SGIP1: variants seen among roughly 807,000 people sequenced by gnomAD.
The protein encoded by SGIP1 is SH3GL interacting endocytic adaptor 1.
SGIP1 carries 38 observed loss-of-function variants against 107.5 expected under a neutral mutation model. The ratio of observed to expected loss-of-function variants is 0.35; its 90% CI spans 0.27 to 0.46. SGIP1 has a LOEUF of 0.46. Among genes scored for constraint, SGIP1 ranks in the 20% least tolerant of loss-of-function variants. The probability of loss-of-function intolerance (pLI) is 1.00; values close to 1 mark genes in which losing one functional copy is unlikely to be tolerated. For synonymous variants in SGIP1, 365 were observed against 366.1 expected (o/e 1.00, Z 0.03); for missense variants, 929 against 1,019.5 (o/e 0.91, Z 1.21).
intron 2 of SGIP1, among the ~76,000 whole-genome samples, chr1:66,630,200 A>G (rs181880496): frequency 7.0e-4 from 107 of 152,304 alleles, no homozygotes; most frequent in African/African-American, 2.3e-3. Flanking sequence ...AAAATTGTGG[A>G]AGACCATCCC....
At chr1:66,637,605 A>G (rs887244642) in intron 4 of SGIP1, among the ~76,000 whole-genome samples, 2 of 151,568 alleles carry the variant, frequency 1.3e-5, no homozygotes, top group African/African-American at 2.4e-5. Flanking sequence ...TTTTCCCTTT[A>G]TCTCAATCTT....
At chr1:66,625,957 G>A (rs895583491) in intron 2 of SGIP1, 47 bp downstream of exon 2, 18 of 1,491,736 alleles carry the variant, frequency 1.2e-5, no homozygotes, top group Non-Finnish European at 1.7e-5. Flanking sequence ...ATTTGCATAA[G>A]AGATGCTCTT....
intron 1 of SGIP1, among the ~76,000 whole-genome samples, chr1:66,608,239 G>A (rs1328125438): frequency 2.6e-5 from 4 of 152,072 alleles, no homozygotes; most frequent in Middle Eastern, 6.8e-3. Flanking sequence ...GATAATGCAT[G>A]AAAAGTACAT....
intron 12 of SGIP1, among the ~76,000 whole-genome samples, chr1:66,676,691 G>A (rs1557582017): frequency 6.6e-6 from 1 of 152,100 alleles, no homozygotes; most frequent in Non-Finnish European, 1.5e-5. Flanking sequence ...CTGAAACAGA[G>A]CCAGTACATG....
intron 1 of SGIP1, among the ~76,000 whole-genome samples, chr1:66,605,911 G>A (rs779131744): frequency 3.3e-5 from 5 of 152,084 alleles, no homozygotes; most frequent in Non-Finnish European, 7.4e-5. Flanking sequence ...CGATTGCTTC[G>A]CGGTTCAGCC....
At chr1:66,618,518 G>T (rs1211165675) in intron 1 of SGIP1, among the ~76,000 whole-genome samples, 2 of 152,206 alleles carry the variant, frequency 1.3e-5, no homozygotes, top group South Asian at 2.1e-4. Context: ...CATTCTGAAA[G>T]AAGTTGCTTG....
At chr1:66,688,099 AG>A (rs1008086994) in intron 15 of SGIP1, among the ~76,000 whole-genome samples, 1 of 151,762 alleles carries the variant, frequency 6.6e-6, no homozygotes, top group Non-Finnish European at 1.5e-5. Context: ...GTTGTTTGGG[AG>A]GTGGTAAGGG....
At chr1:66,625,717 C>T (rs2072506119) in intron 1 of SGIP1, 130 bp from the exon 2 acceptor site, 1 of 703,940 alleles carries the variant, frequency 1.4e-6, no homozygotes, top group African/African-American at 1.8e-5. Context: ...ACACACATAC[C>T]TTTACATACA....
chr1:66,676,746 T>A (rs2085450128), intron 12 of SGIP1, among the ~76,000 whole-genome samples: 1 of 152,110 alleles, frequency 6.6e-6, no homozygotes, highest in Non-Finnish European at 1.5e-5. Flanking sequence ...AGGAAGCAAA[T>A]GCAGATTCTG....
At chr1:66,626,234 A>G (rs2072728314) in intron 2 of SGIP1, 1 of 173,614 alleles carries the variant, frequency 5.8e-6, no homozygotes, top group Non-Finnish European at 1.2e-5. Context: ...AAAATAATTC[A>G]TTTCCACATA....
intron 15 of SGIP1, among the ~76,000 whole-genome samples, chr1:66,687,320 G>C (rs1048505686): frequency 4.1e-5 from 6 of 146,292 alleles, no homozygotes; most frequent in Non-Finnish European, 7.5e-5. Flanking sequence ...AAAATGTCCT[G>C]AGACTTCACT....
chr1:66,652,759 A>C (rs1466041036), intron 7 of SGIP1, among the ~76,000 whole-genome samples: 3 of 152,100 alleles, frequency 2.0e-5, no homozygotes, highest in Non-Finnish European at 4.4e-5. Flanking sequence ...GTGAAAACAA[A>C]GAGTCATCAG....
At chr1:66,641,389 G>C (rs1168556517) in intron 5 of SGIP1, among the ~76,000 whole-genome samples, 1 of 151,966 alleles carries the variant, frequency 6.6e-6, no homozygotes, top group African/African-American at 2.4e-5. Flanking sequence ...CCATGGTTAT[G>C]GCATTTTTAC....
At chr1:66,663,445 C>T (rs1419071644) in intron 8 of SGIP1, among the ~76,000 whole-genome samples, 1 of 151,882 alleles carries the variant, frequency 6.6e-6, no homozygotes, top group East Asian at 1.9e-4. Flanking sequence ...AGGAAAAGAC[C>T]CTTCCCTCCT....
At chr1:66,577,224 T>C (rs762933420) in intron 1 of SGIP1, among the ~76,000 whole-genome samples, 33 of 152,162 alleles carry the variant, frequency 2.2e-4, no homozygotes, top group Non-Finnish European at 4.3e-4. Flanking sequence ...CATGAAGGCC[T>C]TTCTTGGTCT....
At chr1:66,710,031 CATA>C (rs1250719011) in intron 18 of SGIP1, among the ~76,000 whole-genome samples, 1 of 151,678 alleles carries the variant, frequency 6.6e-6, no homozygotes, top group Non-Finnish European at 1.5e-5. Context: ...CAACTACAAT[CATA>C]ATATTCCAAG....
At chr1:66,695,304 C>G in intron 17 of SGIP1, 130 bp from the exon 18 acceptor site, 2 of 1,441,208 alleles carry the variant, frequency 1.4e-6, no homozygotes, top group Non-Finnish European at 1.8e-6. Flanking sequence ...TTTTCCTGCA[C>G]GCTAATGGCA....
At chr1:66,671,245 C>G (rs1040057680) in intron 10 of SGIP1, among the ~76,000 whole-genome samples, 1 of 152,032 alleles carries the variant, frequency 6.6e-6, no homozygotes, top group Admixed American at 6.6e-5. Flanking sequence ...TTTGGAAAAA[C>G]ATTGCTATTT....
intron 1 of SGIP1, among the ~76,000 whole-genome samples, chr1:66,620,372 C>T (rs2070692517): frequency 6.6e-6 from 1 of 152,020 alleles, no homozygotes; most frequent in Non-Finnish European, 1.5e-5. Flanking sequence ...ATGTACTAGC[C>T]GTTCTGACAC....
Sources: allele counts gnomAD v4.1 joint callset (sites outside exome capture counted in the v4.1 genomes callset), GRCh38; gene constraint gnomAD v4.1.1; transcripts MANE v1.5; gene names NCBI Gene and HGNC (gene_info 2026-07-23, HGNC 2026-07-21).